Variants in STAU2 observed in about 807,000 individuals in gnomAD.
STAU2 encodes staufen double-stranded RNA binding protein 2.
STAU2 carries 20 observed loss-of-function variants against 65.9 expected under a neutral mutation model. That is an observed-to-expected ratio of 0.30 (90% confidence interval 0.21 to 0.44). The LOEUF is 0.44. STAU2 is among the 20% of genes least tolerant of loss of function. The probability of loss-of-function intolerance (pLI) is 1.00; values close to 1 mark genes in which losing one functional copy is unlikely to be tolerated. For synonymous variants in STAU2, 232 were observed against 233.9 expected, an observed-to-expected ratio of 0.99 and a Z score of 0.07; for missense variants, 558 against 683.9, an observed-to-expected ratio of 0.82 and a Z score of 2.05.
intron 13 of STAU2, among the ~76,000 whole-genome samples, chr8:73,474,373 T>C (rs1820204537): frequency 6.6e-6 from 1 of 152,224 alleles, no homozygotes; most frequent in Non-Finnish European, 1.5e-5. Flanking sequence ...GGTTACTTCA[T>C]GATCTAATTA....
intron 13 of STAU2, among the ~76,000 whole-genome samples, chr8:73,525,775 A>G (rs1452070518): frequency 2.6e-5 from 4 of 152,138 alleles, no homozygotes; most frequent in South Asian, 4.1e-4. Flanking sequence ...TGCTTTTGAC[A>G]TTTGCCTCTA....
chr8:73,534,336 CA>C (rs1333536298), intron 13 of STAU2, among the ~76,000 whole-genome samples: 1 of 152,150 alleles, frequency 6.6e-6, no homozygotes, highest in Non-Finnish European at 1.5e-5. Context: ...AATCTTAAGA[CA>C]AAATAGCATG....
intron 13 of STAU2, among the ~76,000 whole-genome samples, chr8:73,528,311 T>C (rs1805578898): frequency 6.6e-6 from 1 of 152,202 alleles, no homozygotes; most frequent in African/African-American, 2.4e-5. Flanking sequence ...AATTGTGACA[T>C]TACAATCAAA....
chr8:73,639,394 A>G (rs1243242107), intron 6 of STAU2, among the ~76,000 whole-genome samples: 1 of 152,148 alleles, frequency 6.6e-6, no homozygotes, highest in Non-Finnish European at 1.5e-5. Flanking sequence ...CATTTGTGCT[A>G]ACAAGGAGAA....
intron 1 of STAU2, among the ~76,000 whole-genome samples, chr8:73,743,390 T>C (rs1279574556): frequency 8.5e-5 from 13 of 152,144 alleles, no homozygotes; most frequent in Admixed American, 8.5e-4. Flanking sequence ...TTGCTAGGTT[T>C]AGAACGGTTC....
chr8:73,529,521 T>C (rs1030120433), intron 13 of STAU2, among the ~76,000 whole-genome samples: 3 of 152,224 alleles, frequency 2.0e-5, no homozygotes, highest in Non-Finnish European at 4.4e-5. Flanking sequence ...TGACTTAATG[T>C]AGCTCTATTC....
chr8:73,737,895 C>T (rs1359529692), intron 3 of STAU2, among the ~76,000 whole-genome samples: 1 of 145,628 alleles, frequency 6.9e-6, no homozygotes, highest in Non-Finnish European at 1.5e-5. Context: ...GGAAAGTGAA[C>T]TTTAAAAAAA....
At chr8:73,510,848 T>C (rs1822357385) in intron 13 of STAU2, among the ~76,000 whole-genome samples, 1 of 152,228 alleles carries the variant, frequency 6.6e-6, no homozygotes, top group Admixed American at 6.5e-5. Context: ...GAAACTACAA[T>C]TAAAGATGAG....
At position 73,596,340 on chromosome 8, in the gene STAU2, ATTT is replaced by A. The variant is rs533700912; in HGVS notation, c.1030-1046_1030-1044del. Among the ~76,000 whole-genome samples the A allele has an allele frequency of 3.3e-3, 495 of 152,296 alleles. 3 individuals carry two copies. The highest frequency in any genetic ancestry group is 0.011 in the African/African-American group (474 of 41,564). ...CCATCACAATTGCTCCAAAAAAAAGATTTTTATCATTAGAACTATTCTACAGTT... is the reference window on the plus strand; with the variant it reads ...CCATCACAATTGCTCCAAAAAAAAGATTATCATTAGAACTATTCTACAGTT... On this transcript the variant is annotated intron_variant, in intron 10 of 14. Coordinates refer to ENST00000524300, the MANE Select transcript of STAU2 (RefSeq NM_001164380.2).
chr8:73,564,023 C>G (rs141019059), intron 12 of STAU2, among the ~76,000 whole-genome samples: 278 of 152,304 alleles, frequency 1.8e-3, no homozygotes, highest in East Asian at 6.9e-3. Context: ...AGAACAATTT[C>G]ACTTTACCCA....
chr8:73,720,499 CTTTT>C lies in STAU2; in HGVS notation c.-17-11341_-17-11338del, dbSNP rs1174035145. Among the ~76,000 whole-genome samples the C allele has an allele frequency of 2.9e-3, 114 of 39,100 alleles. 3 individuals are homozygous for C. Among genetic ancestry groups the C allele is most frequent in the African/African-American group, 7.0e-3 (53 of 7,528 alleles). 25.7% of individuals were successfully genotyped at this position (39,100 alleles called of 152,430 possible). ...GTTGTCATTTAGTTTAAAATACTTT[CTTTT>C]TTTTTTTTTTTTTTTTTTTTGAGAC... On this transcript the variant is annotated intron_variant, in intron 3 of 14. Coordinates refer to ENST00000524300, the MANE Select transcript of STAU2 (RefSeq NM_001164380.2).
chr8:73,656,298 T>C (rs1451938144), intron 6 of STAU2, among the ~76,000 whole-genome samples: 1 of 152,264 alleles, frequency 6.6e-6, no homozygotes, highest in East Asian at 1.9e-4. Flanking sequence ...AGTTTTGTTA[T>C]AACAAGGTCA....
At chr8:73,658,326 C>T (rs1816544162) in intron 6 of STAU2, among the ~76,000 whole-genome samples, 1 of 151,904 alleles carries the variant, frequency 6.6e-6, no homozygotes, top group Admixed American at 6.5e-5. Flanking sequence ...GAAGATCGTG[C>T]TATTGCATTC....
At chr8:73,708,941 C>T in intron 4 of STAU2, 91 bp downstream of exon 4, 1 of 1,286,060 alleles carries the variant, frequency 7.8e-7, no homozygotes, top group African/African-American at 1.5e-5. Context: ...TGCTGAACCC[C>T]CACTCCCCAA....
At chr8:73,427,085 C>T (rs541853568) in intron 13 of STAU2, among the ~76,000 whole-genome samples, 69 of 151,992 alleles carry the variant, frequency 4.5e-4, no homozygotes, top group Middle Eastern at 3.4e-3. Context: ...TGCACCACCA[C>T]GCCAGATTAC....
Position 73,716,091 on chromosome 8 carries a change from C to CTT in STAU2, c.-17-6931_-17-6930dup, listed in dbSNP as rs376161218. On this transcript the variant is annotated intron_variant, in intron 3 of 14. Coordinates refer to ENST00000524300, the MANE Select transcript of STAU2 (RefSeq NM_001164380.2). ...CACCATGCCCAGCTAATTTTTTTTT[C>CTT]TTTTTTTTTTTTTTGAGACAAGAGT... Among the ~76,000 whole-genome samples, 40 of 125,328 alleles carry CTT rather than the reference C, an allele frequency of 3.2e-4. No individual in the cohort carries two copies. In the South Asian group the frequency reaches 9.3e-3, roughly 29 times the overall value. The allele number at this position is 125,328 out of a possible 152,430, so 82.2% of individuals were successfully genotyped here.
intron 13 of STAU2, among the ~76,000 whole-genome samples, chr8:73,442,673 T>C (rs1313000373): frequency 1.3e-5 from 2 of 152,212 alleles, no homozygotes; most frequent in East Asian, 1.9e-4. Context: ...CATTCTAATA[T>C]AGCCAAACAC....
chr8:73,596,692 A>T (rs1811213723), intron 10 of STAU2, among the ~76,000 whole-genome samples: 1 of 152,034 alleles, frequency 6.6e-6, no homozygotes. Context: ...TTACAAAAAA[A>T]ATTTTAATTA....
intron 6 of STAU2, among the ~76,000 whole-genome samples, chr8:73,628,843 G>A (rs1400121115): frequency 6.6e-6 from 1 of 152,320 alleles, no homozygotes; most frequent in East Asian, 1.9e-4. Flanking sequence ...CTTCCAAGAA[G>A]TTTAAAAACT....
Sources: gnomAD v4.1 joint callset for allele counts (sites outside exome capture counted in the v4.1 genomes callset) on GRCh38, gnomAD v4.1.1 for gene constraint, MANE v1.5 for transcripts, NCBI Gene and HGNC (gene_info 2026-07-23, HGNC 2026-07-21) for gene names.